P3H2: variants seen among roughly 807,000 people sequenced by gnomAD.
P3H2 encodes the protein leprecan-like 1.
In P3H2, 80 loss-of-function variants were observed where a neutral mutation model predicts 87.0. The ratio of observed to expected loss-of-function variants is 0.92; its 90% CI spans 0.77 to 1.11. The LOEUF (loss-of-function observed/expected upper bound fraction) is 1.11, where lower values mean the gene tolerates loss of function less well. Ranked by LOEUF, P3H2 falls within the 50% of genes least tolerant of loss-of-function variation. The probability of loss-of-function intolerance (pLI) is 0.00; values close to 1 mark genes in which losing one functional copy is unlikely to be tolerated. For missense variants in P3H2, 1,001 were observed against 923.9 expected, an observed-to-expected ratio of 1.08 and a Z score of -1.08; for synonymous variants, 367 against 359.3, an observed-to-expected ratio of 1.02 and a Z score of -0.24.
chr3:190,065,114 T>C (rs1296328722), intron 1 of P3H2, among the ~76,000 whole-genome samples: 1 of 152,000 alleles, frequency 6.6e-6, no homozygotes, highest in African/African-American at 2.4e-5. Flanking sequence ...AAAAACCGAG[T>C]CTCCCCAAGG....
At chr3:190,034,202 T>C (rs1725341605) in intron 1 of P3H2, among the ~76,000 whole-genome samples, 2 of 142,456 alleles carry the variant, frequency 1.4e-5, no homozygotes, top group Non-Finnish European at 3.1e-5. Context: ...AAAGGGATAG[T>C]TGAAATAATC....
intron 1 of P3H2, among the ~76,000 whole-genome samples, chr3:190,013,659 G>A (rs1724664919): frequency 6.6e-6 from 1 of 152,186 alleles, no homozygotes; most frequent in Admixed American, 6.5e-5. Context: ...TTTCCCTTAG[G>A]ACTTTTAACA....
At chr3:189,974,810 A>G in intron 8 of P3H2, 125 bp from the exon 9 acceptor site, 1 of 1,196,678 alleles carries the variant, frequency 8.4e-7, no homozygotes, top group Non-Finnish European at 1.2e-6. Context: ...TTAGAAATGC[A>G]AAGACAAATT....
intron 1 of P3H2, among the ~76,000 whole-genome samples, chr3:190,054,086 C>T (rs1726072089): frequency 6.6e-6 from 1 of 152,140 alleles, no homozygotes; most frequent in South Asian, 2.1e-4. Context: ...TTCTAATGTT[C>T]TTAGCCACTA....
Position 189,973,023 on chromosome 3 carries a change from G to T in P3H2, c.1550C>A (p.Ser517Tyr), listed in dbSNP as rs1440693417. ...EGATVLKALK[S>Y]GYEGRVPLKS... ...CAGTGGGACTCGACCTTCATAACCA[G>T]ACTGAAAAAAAAAAACAAAACATGA... The change falls in exon 11 of 15, where the codon TCT (serine) becomes TAT (tyrosine). Residue 517 changes from serine to tyrosine, a missense_variant and splice_region_variant. Physicochemically the swap from Ser to Tyr is moderately radical, Grantham distance 144. Transcript: ENST00000319332. 1 of 1,552,868 alleles carries T rather than the reference G, an allele frequency of 6.4e-7. No individual in the cohort carries two copies.
Position 189,973,009 on chromosome 3 carries a change from G to C in P3H2, c.1564C>G (p.Arg522Gly), listed in dbSNP as rs371246626. The change falls in exon 11 of 15, where the codon CGA becomes GGA. Residue 522 changes from arginine to glycine, a missense_variant. Coordinates refer to ENST00000319332, the MANE Select transcript of P3H2 (RefSeq NM_018192.4). ...AGACGAGCGCTCTTCAGTGGGACTC[G>C]ACCTTCATAACCAGACTGAAAAAAA... The part of the protein sequence containing the change: ...LKALKSGYEG[R>G]VPLKSARLFY... 5 of 1,606,248 alleles carry C rather than the reference G, an allele frequency of 3.1e-6. No homozygotes were observed. In the East Asian group the frequency reaches 1.1e-4, roughly 36 times the overall value.
intron 1 of P3H2, among the ~76,000 whole-genome samples, chr3:190,016,446 C>T (rs9857427): frequency 0.23 from 35,618 of 151,890 alleles, 4,257 homozygotes; most frequent in Non-Finnish European, 0.26. Flanking sequence ...GGTTTCACCA[C>T]GTTGGCCATG....
intron 10 of P3H2, among the ~76,000 whole-genome samples, 184 bp downstream of exon 10, chr3:189,973,725 C>T (rs910342689): frequency 6.6e-6 from 1 of 151,764 alleles, no homozygotes; most frequent in African/African-American, 2.4e-5. Context: ...GGGGTTTCAC[C>T]ATGTTAGCCA....
At position 189,994,260 on chromosome 3, in the gene P3H2, T is replaced by C. The variant is rs1723972064; in HGVS notation, c.657A>G (p.Lys219=). ...TCTCAAAGTCATCAGCCTCATAATG[T>C]TTAACTCCTGCATTGTAACTCTCCT... ...PHMESYNAGV[K]HYEADDFEMA... is the part of the protein sequence containing the mutation. The change falls in exon 3 of 15, where the codon AAA becomes AAG. Residue 219 remains lysine (K), a synonymous_variant. Coordinates refer to ENST00000319332, the MANE Select transcript of P3H2 (RefSeq NM_018192.4). 9.9e-6 allele frequency: 16 copies of C among 1,612,770 alleles called. No individual in the cohort carries two copies. The highest frequency in any genetic ancestry group is 1.3e-5 in the Non-Finnish European group (15 of 1,179,106).
chr3:189,974,617 C>T lies in P3H2; in HGVS notation c.1393G>A (p.Val465Ile), dbSNP rs1387099004. Residue 465 changes from valine (V) to isoleucine (I), a missense_variant, in exon 9 of 15, where the codon GTT becomes ATT. Coordinates refer to ENST00000319332, the MANE Select transcript of P3H2 (RefSeq NM_018192.4). The part of the protein sequence containing the change: ...NSEQLNGTQR[V>I]LLDNVLSEEQ... ...TCCGACAGGACGTTATCCAGGAGAA[C>T]CCGCTGAGTCCCGTTCAGCTGCTCC... 6.2e-7 allele frequency: 1 copy of T among 1,614,164 alleles called. No homozygotes were observed. Among genetic ancestry groups the T allele is most frequent in the South Asian group, 1.1e-5 (1 of 91,082 alleles).
At chr3:190,064,417 T>C (rs1007688380) in intron 1 of P3H2, among the ~76,000 whole-genome samples, 1 of 152,106 alleles carries the variant, frequency 6.6e-6, no homozygotes, top group Non-Finnish European at 1.5e-5. Flanking sequence ...CTGGAAGGGC[T>C]AGGCTGATAG....
chr3:189,960,943 CTTT>C (rs10679470), intron 14 of P3H2, among the ~76,000 whole-genome samples: 1 of 144,922 alleles, frequency 6.9e-6, no homozygotes, highest in African/African-American at 2.5e-5. Context: ...GGAAAACAAT[CTTT>C]TTTTTTTTTT....
At chr3:190,044,321 T>G (rs1256670804) in intron 1 of P3H2, among the ~76,000 whole-genome samples, 1 of 152,192 alleles carries the variant, frequency 6.6e-6, no homozygotes, top group Non-Finnish European at 1.5e-5. Context: ...ATGAGCCAGA[T>G]GCCAAATGGG....
chr3:190,002,564 C>G (rs747776729), intron 1 of P3H2, among the ~76,000 whole-genome samples: 3 of 152,024 alleles, frequency 2.0e-5, no homozygotes, highest in South Asian at 2.1e-4. Context: ...ACACACCCGG[C>G]TAATTTTTGT....
Position 189,972,876 on chromosome 3 carries a change from G to A in P3H2, c.1697C>T (p.Ser566Phe). The A allele has an allele frequency of 6.2e-7, 1 of 1,614,008 alleles. No homozygotes were observed. Among genetic ancestry groups the A allele is most frequent in the South Asian group, 1.1e-5 (1 of 91,062 alleles). Reference protein sequence around the residue: ...YTHMVCRTALSGQQDRRNDLS... With the variant: ...YTHMVCRTALFGQQDRRNDLS... ...ACCATTTCAGACTGCAATCTCACCA[G>A]ACAGGGCTGTTCGGCAGACCATGTG... The change falls in exon 11 of 15, where the codon TCT becomes TTT. Residue 566 changes from serine to phenylalanine, a missense_variant and splice_region_variant. Physicochemically the swap from Ser to Phe is radical, Grantham distance 155. Transcript: ENST00000319332.
chr3:190,072,547 A>C (rs1355902135), intron 1 of P3H2, among the ~76,000 whole-genome samples: 1 of 152,180 alleles, frequency 6.6e-6, no homozygotes, highest in African/African-American at 2.4e-5. Context: ...GGATGTACTT[A>C]AAAATTTTAA....
At chr3:189,996,542 T>A (rs1324635205) in intron 1 of P3H2, among the ~76,000 whole-genome samples, 1 of 152,204 alleles carries the variant, frequency 6.6e-6, no homozygotes, top group Non-Finnish European at 1.5e-5. Context: ...GGTGTTCTAT[T>A]GCACAGTAGG....
chr3:190,041,654 T>C (rs1416916600), intron 1 of P3H2, among the ~76,000 whole-genome samples: 10 of 152,220 alleles, frequency 6.6e-5, no homozygotes, highest in Admixed American at 4.6e-4. Context: ...GTTGCCCCTC[T>C]ATTAACATGT....
At chr3:190,029,128 T>TAAATACTAACCACCCCCAC in intron 1 of P3H2, among the ~76,000 whole-genome samples, 1 of 152,254 alleles carries the variant, frequency 6.6e-6, no homozygotes, top group Non-Finnish European at 1.5e-5. Flanking sequence ...CTCTTAAGAG[T>TAAATACTAACCACCCCCAC]TCGAGTGGGG....
Sources: allele counts gnomAD v4.1 joint callset (sites outside exome capture counted in the v4.1 genomes callset), GRCh38; gene constraint gnomAD v4.1.1; transcripts MANE v1.5; gene names NCBI Gene and HGNC (gene_info 2026-07-23, HGNC 2026-07-21).